The following GABRG3 variants were observed in gnomAD, a reference collection of about 807,000 sequenced individuals.
The protein encoded by GABRG3 is gamma-aminobutyric acid receptor subunit gamma-3.
A neutral mutation model predicts 48.8 loss-of-function variants in GABRG3; 25 were observed. The observed-to-expected ratio is 0.51, with a 90% CI of 0.37 to 0.72. GABRG3 has a LOEUF of 0.72. Ranked by LOEUF, GABRG3 falls within the 30% of genes least tolerant of loss-of-function variation. The pLI is 0.00. For synonymous variants in GABRG3, 227 were observed against 217.6 expected (o/e 1.04, Z -0.38); for missense variants, 394 against 577.9 (o/e 0.68, Z 3.26).
intron 5 of GABRG3, among the ~76,000 whole-genome samples, chr15:27,476,379 G>T (rs1197747754): frequency 6.6e-6 from 1 of 150,532 alleles, no homozygotes; most frequent in Non-Finnish European, 1.5e-5. Flanking sequence ...TTAAAAATGT[G>T]TGTAAAGAAC....
At chr15:27,312,503 C>T (rs1297752593) in intron 3 of GABRG3, among the ~76,000 whole-genome samples, 1 of 151,838 alleles carries the variant, frequency 6.6e-6, no homozygotes, top group Non-Finnish European at 1.5e-5. Flanking sequence ...AATCAAATTG[C>T]CAAAAGTCAG....
At chr15:27,136,674 A>G (rs1898013843) in intron 3 of GABRG3, among the ~76,000 whole-genome samples, 1 of 152,200 alleles carries the variant, frequency 6.6e-6, no homozygotes, top group African/African-American at 2.4e-5. Flanking sequence ...AGAATAAAAA[A>G]TAGCATTTCC....
chr15:27,392,010 C>A (rs1595724479), intron 5 of GABRG3, among the ~76,000 whole-genome samples: 1 of 152,184 alleles, frequency 6.6e-6, no homozygotes, highest in Non-Finnish European at 1.5e-5. Flanking sequence ...TTTGCTGTGA[C>A]ATATACCACT....
At chr15:27,417,837 A>C (rs1278652073) in intron 5 of GABRG3, among the ~76,000 whole-genome samples, 1 of 152,206 alleles carries the variant, frequency 6.6e-6, no homozygotes, top group African/African-American at 2.4e-5. Flanking sequence ...CTTGGTGCAC[A>C]CTTCACAAGC....
At chr15:27,490,636 G>C (rs1280413690) in intron 6 of GABRG3, among the ~76,000 whole-genome samples, 1 of 152,094 alleles carries the variant, frequency 6.6e-6, no homozygotes, top group Non-Finnish European at 1.5e-5. Context: ...TTTTCTTACT[G>C]GTTCTATTTC....
chr15:26,978,486 G>C (rs1395732044), intron 2 of GABRG3, among the ~76,000 whole-genome samples: 2 of 151,936 alleles, frequency 1.3e-5, no homozygotes, highest in African/African-American at 4.8e-5. Flanking sequence ...GTTATGTCTT[G>C]ATTTTTATAT....
chr15:27,475,793 G>A (rs1302651034), intron 5 of GABRG3, among the ~76,000 whole-genome samples: 2 of 151,814 alleles, frequency 1.3e-5, no homozygotes, highest in South Asian at 2.1e-4. Context: ...TGGTGGTGAT[G>A]GTGATGATGG....
intron 3 of GABRG3, among the ~76,000 whole-genome samples, chr15:27,114,438 C>T (rs1329716289): frequency 6.6e-6 from 1 of 152,208 alleles, no homozygotes. Context: ...TGCATTCTTT[C>T]TCCCATGGTT....
chr15:27,188,663 C>A (rs1888184875), intron 3 of GABRG3, among the ~76,000 whole-genome samples: 1 of 151,750 alleles, frequency 6.6e-6, no homozygotes, highest in African/African-American at 2.4e-5. Context: ...AAAATTTTCT[C>A]CCATTTTGTG....
chr15:26,983,729 G>T (rs1267095272), intron 2 of GABRG3, among the ~76,000 whole-genome samples: 1 of 152,178 alleles, frequency 6.6e-6, no homozygotes, highest in Non-Finnish European at 1.5e-5. Flanking sequence ...AGCTATGACT[G>T]TGCCACTGCA....
chr15:27,402,735 C>A (rs928730945), intron 5 of GABRG3, among the ~76,000 whole-genome samples: 1 of 152,194 alleles, frequency 6.6e-6, no homozygotes, highest in African/African-American at 2.4e-5. Context: ...TACAAATTTT[C>A]ATATTCAATA....
chr15:27,033,719 A>G (rs1401612705), intron 3 of GABRG3, among the ~76,000 whole-genome samples: 1 of 152,184 alleles, frequency 6.6e-6, no homozygotes, highest in Non-Finnish European at 1.5e-5. Context: ...TGTGGTTTTA[A>G]TATTATTTTA....
chr15:27,308,622 TATAA>T (rs1892848092), intron 3 of GABRG3, among the ~76,000 whole-genome samples: 2 of 108,012 alleles, frequency 1.9e-5, no homozygotes, highest in African/African-American at 5.5e-5. Context: ...TACGCTTATA[TATAA>T]ACATATAATG....
At chr15:27,273,717 G>C (rs1416517737) in intron 3 of GABRG3, among the ~76,000 whole-genome samples, 1 of 152,162 alleles carries the variant, frequency 6.6e-6, no homozygotes, top group Admixed American at 6.5e-5. Flanking sequence ...GCAGTGCCTG[G>C]TTCATAGTAT....
chr15:27,011,525 GT>G (rs1233874627), intron 2 of GABRG3, among the ~76,000 whole-genome samples: 1 of 152,176 alleles, frequency 6.6e-6, no homozygotes, highest in African/African-American at 2.4e-5. Context: ...CAATCTGCTA[GT>G]TTAGCCTAGG....
chr15:27,089,572 G>A (rs898268900), intron 3 of GABRG3, among the ~76,000 whole-genome samples: 3 of 152,180 alleles, frequency 2.0e-5, no homozygotes, highest in South Asian at 4.1e-4. Flanking sequence ...GGACTCTACC[G>A]TGTGTGACCA....
chr15:27,017,908 A>C (rs1231601444), intron 2 of GABRG3, among the ~76,000 whole-genome samples: 4 of 152,176 alleles, frequency 2.6e-5, no homozygotes, highest in African/African-American at 9.7e-5. Flanking sequence ...AGGTTTGTCA[A>C]GCACTGAGGA....
intron 5 of GABRG3, among the ~76,000 whole-genome samples, chr15:27,454,816 A>G (rs1566847861): frequency 6.6e-6 from 1 of 152,220 alleles, no homozygotes; most frequent in Non-Finnish European, 1.5e-5. Flanking sequence ...GTGTCAACAC[A>G]TACGTACGTT....
At chr15:27,157,599 A>G (rs1039484486) in intron 3 of GABRG3, 1 of 152,186 alleles carries the variant, frequency 6.6e-6, no homozygotes. Flanking sequence ...GACAGGTTCC[A>G]ACTCTAGTTT....
Sources: allele counts gnomAD v4.1 joint callset (sites outside exome capture counted in the v4.1 genomes callset), GRCh38; gene constraint gnomAD v4.1.1; transcripts MANE v1.5; gene names NCBI Gene and HGNC (gene_info 2026-07-23, HGNC 2026-07-21).